Variants in PARP4 observed in about 807,000 individuals in gnomAD.
PARP4 encodes the protein protein mono-ADP-ribosyltransferase PARP4.
PARP4 carries 120 observed loss-of-function variants against 187.7 expected under a neutral mutation model. The observed-to-expected ratio is 0.64, with a 90% CI of 0.55 to 0.74. The LOEUF is 0.74. PARP4 is among the 30% of genes least tolerant of loss of function. The probability of loss-of-function intolerance (pLI) is 0.00; values close to 1 mark genes in which losing one functional copy is unlikely to be tolerated. For synonymous variants in PARP4, 654 were observed against 740.9 expected (o/e 0.88, Z 1.90); for missense variants, 1,836 against 2,070.5 (o/e 0.89, Z 2.20).
rs756347347 is a variant in PARP4 at position 24,434,451 on chromosome 13, T to C, written c.4690A>G (p.Ile1564Val). 1 of 1,606,582 alleles carries C rather than the reference T, an allele frequency of 6.2e-7. No individual in the cohort carries two copies. The highest frequency in any genetic ancestry group is 1.3e-5 in the African/African-American group (1 of 74,996). ...GGCACAGCATCCTGCCAGTGTTGTA[T>C]GCACACTATTTCATCCTCTTCTTTT... ...EVKEEDEIVCIQHWQDAVPWT... is the reference protein window; with the variant it reads ...EVKEEDEIVCVQHWQDAVPWT... The change falls in exon 31 of 34, where the codon ATA becomes GTA. Residue 1564 changes from isoleucine (I) to valine (V), a missense_variant. This residue lies in a region of PARP4 where 450 missense variants were observed against 439.2 expected (regional missense o/e 1.02). Coordinates refer to ENST00000381989, the MANE Select transcript of PARP4 (RefSeq NM_006437.4).
intron 32 of PARP4, 139 bp downstream of exon 32, chr13:24,431,236 GTT>G (rs1870317142): frequency 5.5e-6 from 3 of 548,468 alleles, no homozygotes; most frequent in Admixed American, 4.0e-5. Context: ...TCCTTTAATG[GTT>G]AAATATAATT....
intron 25 of PARP4, among the ~76,000 whole-genome samples, chr13:24,449,379 C>T (rs1871386862): frequency 1.4e-5 from 1 of 73,082 alleles, no homozygotes. Context: ...CAGAGCAAGA[C>T]TCTGTCTCAA....
chr13:24,472,969 C>G (rs1470928836), intron 15 of PARP4, among the ~76,000 whole-genome samples: 1 of 144,956 alleles, frequency 6.9e-6, no homozygotes, highest in African/African-American at 2.6e-5. Context: ...GATCTTGGCT[C>G]ATTGCAACCT....
chr13:24,422,783 A>G (rs143585323), intron 33 of PARP4, among the ~76,000 whole-genome samples: 180 of 151,998 alleles, frequency 1.2e-3, no homozygotes, highest in Non-Finnish European at 2.1e-3. Context: ...TAGTTTTTGT[A>G]TTTTTAGTAG....
chr13:24,505,595 C>T (rs1198853128), intron 1 of PARP4, among the ~76,000 whole-genome samples: 1 of 152,176 alleles, frequency 6.6e-6, no homozygotes. Flanking sequence ...GGGCAGCTTA[C>T]AAAATGTTGC....
chr13:24,508,344 C>T (rs1297518749), intron 1 of PARP4, among the ~76,000 whole-genome samples: 1 of 152,106 alleles, frequency 6.6e-6, no homozygotes, highest in Non-Finnish European at 1.5e-5. Context: ...AATCCTCTGA[C>T]CTGTTTAAAA....
chr13:24,425,279 C>T (rs916649746), intron 33 of PARP4, among the ~76,000 whole-genome samples: 8 of 151,948 alleles, frequency 5.3e-5, no homozygotes, highest in Non-Finnish European at 1.0e-4. Context: ...CCAGCCTGGG[C>T]GATAGAGCCA....
chr13:24,429,022 T>C (rs567037798), intron 32 of PARP4, among the ~76,000 whole-genome samples: 1 of 151,190 alleles, frequency 6.6e-6, no homozygotes, highest in South Asian at 2.1e-4. Flanking sequence ...ATTTTTTTTC[T>C]TTCTATATTT....
At chr13:24,508,734 G>A (rs148078205) in intron 1 of PARP4, among the ~76,000 whole-genome samples, 1 of 151,982 alleles carries the variant, frequency 6.6e-6, no homozygotes, top group Non-Finnish European at 1.5e-5. Flanking sequence ...GGCTGGTCTC[G>A]AACTCCCAAC....
In PARP4 at chr13:24,486,245, C is replaced by A; in HGVS notation, c.1275G>T (p.Glu425Asp). The change falls in exon 11 of 34, where the codon GAG (glutamate) becomes GAT (aspartate). Residue 425 changes from glutamate to aspartate, a missense_variant. By Grantham distance (45) the Glu-to-Asp change is conservative. Around this residue, in one of 8 missense-constraint regions of PARP4, gnomAD observed 1,147 missense variants for 1,214.2 expected, o/e 0.94. Transcript: ENST00000381989. ...FRVGRVNETT[E>D]FLSKLGNVRP... ...TCACATTACCAAGTTTGCTCAAAAA[C>A]TCTGTGGTTTCATTCACTCTGCCAA... The A allele has an allele frequency of 6.2e-7, 1 of 1,612,690 alleles. No individual in the cohort carries two copies. The highest frequency in any genetic ancestry group is 8.5e-7 in the Non-Finnish European group (1 of 1,178,724).
intron 17 of PARP4, among the ~76,000 whole-genome samples, chr13:24,462,694 A>C (rs1340032418): frequency 6.6e-6 from 1 of 152,232 alleles, no homozygotes; most frequent in Non-Finnish European, 1.5e-5. Context: ...GGAACCTTTC[A>C]TTAGAGAGAC....
chr13:24,469,834 T>A, intron 16 of PARP4, 60 bp downstream of exon 16: 2 of 1,576,624 alleles, frequency 1.3e-6, no homozygotes, highest in Non-Finnish European at 1.7e-6. Flanking sequence ...ACAAAGGTTC[T>A]GGGAAATGGA....
At chr13:24,503,428 G>C (rs1348643892) in intron 2 of PARP4, among the ~76,000 whole-genome samples, 1 of 152,140 alleles carries the variant, frequency 6.6e-6, no homozygotes, top group African/African-American at 2.4e-5. Context: ...ATGTAGGATT[G>C]TCCTGCAGTT....
intron 1 of PARP4, among the ~76,000 whole-genome samples, chr13:24,506,843 G>A (rs998895026): frequency 2.6e-5 from 4 of 152,344 alleles, no homozygotes; most frequent in South Asian, 2.1e-4. Context: ...TTGGGTGGTC[G>A]ATGGGACCGG....
At chr13:24,440,195 C>T (rs1295831003) in intron 30 of PARP4, among the ~76,000 whole-genome samples, 9 of 151,958 alleles carry the variant, frequency 5.9e-5, no homozygotes, top group East Asian at 5.8e-4. Flanking sequence ...ATCAGGAGTT[C>T]GAGACTAGCC....
At chr13:24,504,332 G>GTTTC (rs1352460496) in intron 1 of PARP4, among the ~76,000 whole-genome samples, 4 of 85,000 alleles carry the variant, frequency 4.7e-5, no homozygotes, top group Non-Finnish European at 8.6e-5. Context: ...TTTTTTTTTG[G>GTTTC]AGACGGAATC....
intron 7 of PARP4, 123 bp from the exon 8 acceptor site, chr13:24,493,856 C>T (rs1868800205): frequency 2.3e-6 from 2 of 876,842 alleles, no homozygotes; most frequent in Admixed American, 4.7e-5. Flanking sequence ...GAGAGTCATC[C>T]CCAGCCAGGT....
chr13:24,434,298 T>G, intron 31 of PARP4, 97 bp downstream of exon 31: 1 of 1,167,986 alleles, frequency 8.6e-7, no homozygotes, highest in South Asian at 1.6e-5. Flanking sequence ...CACTACAGAC[T>G]GATGATAGAC....
intron 29 of PARP4, 78 bp downstream of exon 29, chr13:24,442,512 C>G: frequency 2.9e-6 from 3 of 1,041,818 alleles, no homozygotes; most frequent in Non-Finnish European, 4.5e-6. Flanking sequence ...TCGTCATTAA[C>G]CATCAAAGCA....
Sources: gnomAD v4.1 joint callset for allele counts (sites outside exome capture counted in the v4.1 genomes callset) on GRCh38, gnomAD v4.1.1 for gene constraint, gnomAD v4.1.1 regional missense constraint, MANE v1.5 for transcripts, NCBI Gene and HGNC (gene_info 2026-07-23, HGNC 2026-07-21) for gene names.